The following UMAD1 variants were observed in gnomAD, a reference collection of about 807,000 sequenced individuals.
UMAD1 encodes UBAP1-MVB12-associated (UMA) domain containing 1, also known as UBAP1-MVB12-associated (UMA)-domain containing protein 1.
Under a neutral mutation model 6.1 loss-of-function variants are expected in UMAD1, and 8 were observed. That is an observed-to-expected ratio of 1.30 (90% CI 0.76 to 2.35). UMAD1 has a LOEUF of 2.35. Among genes scored for constraint, UMAD1 ranks in the 30% most tolerant of loss-of-function variants. The pLI is 0.00. For synonymous variants in UMAD1, 56 were observed against 31.4 expected (o/e 1.78, Z -2.61); for missense variants, 130 against 78.4 (o/e 1.66, Z -2.49).
At position 7,744,201 on chromosome 7, in the gene UMAD1, G is replaced by C. The variant is rs138344342; in HGVS notation, c.83-57469G>C. On this transcript the variant is annotated intron_variant, in intron 2 of 3. Coordinates refer to ENST00000682710, the MANE Select transcript of UMAD1 (RefSeq NM_001302348.2). The stretch of plus-strand genomic sequence containing the variant: ...TAAAATAGGTAGGTTTTTGTGACTG[G>C]CTTCTTTTTTGTTTTCAAGACCTCT... Among the ~76,000 whole-genome samples, 854 of 152,106 alleles carry C rather than the reference G, an allele frequency of 5.6e-3. 13 individuals carry two copies. Among genetic ancestry groups the C allele is most frequent in the African/African-American group, 0.02 (813 of 41,486 alleles).
intron 3 of UMAD1, among the ~76,000 whole-genome samples, chr7:7,804,540 C>G (rs1782868644): frequency 1.3e-5 from 2 of 152,150 alleles, no homozygotes; most frequent in African/African-American, 4.8e-5. Flanking sequence ...GGGCTTGGCG[C>G]CGTGCGCCTG....
At chr7:7,730,943 TA>T (rs1187361540) in intron 2 of UMAD1, among the ~76,000 whole-genome samples, 2 of 152,216 alleles carry the variant, frequency 1.3e-5, no homozygotes, top group South Asian at 4.1e-4. Context: ...CTTTGAGTTT[TA>T]AATGTGTTGA....
At chr7:7,709,034 CCTAA>C (rs977732755) in intron 2 of UMAD1, among the ~76,000 whole-genome samples, 3 of 151,764 alleles carry the variant, frequency 2.0e-5, no homozygotes, top group African/African-American at 7.3e-5. Context: ...GGAAAACAGT[CCTAA>C]CTATTAAAAA....
chr7:7,764,466 A>T (rs146931821), intron 2 of UMAD1, among the ~76,000 whole-genome samples: 1 of 152,206 alleles, frequency 6.6e-6, no homozygotes, highest in Admixed American at 6.5e-5. Context: ...TTGGAAGACA[A>T]ATTTGTTTAG....
intron 2 of UMAD1, among the ~76,000 whole-genome samples, chr7:7,789,619 T>TCCCC (rs200939941): frequency 2.7e-5 from 4 of 146,064 alleles, no homozygotes; most frequent in African/African-American, 7.9e-5. Flanking sequence ...ATACCCCTTC[T>TCCCC]CCCCTCCCCA....
chr7:7,809,344 A>G (rs1184111068), intron 3 of UMAD1, among the ~76,000 whole-genome samples: 4 of 152,026 alleles, frequency 2.6e-5, no homozygotes, highest in Non-Finnish European at 2.9e-5. Flanking sequence ...ATGAAGCTGC[A>G]TTATAGAATT....
intron 2 of UMAD1, among the ~76,000 whole-genome samples, chr7:7,748,157 G>C (rs1438973263): frequency 1.3e-5 from 2 of 150,034 alleles, no homozygotes; most frequent in African/African-American, 2.5e-5. Context: ...TGTTGGCCAG[G>C]ATGGTCTTGA....
chr7:7,817,755 C>T (rs1207057824), intron 3 of UMAD1, among the ~76,000 whole-genome samples: 1 of 152,138 alleles, frequency 6.6e-6, no homozygotes, highest in South Asian at 2.1e-4. Flanking sequence ...GCATCCGTTC[C>T]TGACTAAAGA....
chr7:7,648,284 A>G (rs1785143991), intron 1 of UMAD1, among the ~76,000 whole-genome samples: 1 of 151,736 alleles, frequency 6.6e-6, no homozygotes, highest in Admixed American at 6.6e-5. Flanking sequence ...TTCTCTGCTT[A>G]AGTTTTCTCC....
intron 1 of UMAD1, among the ~76,000 whole-genome samples, chr7:7,656,486 G>A (rs1007876674): frequency 6.6e-6 from 1 of 151,968 alleles, no homozygotes; most frequent in Non-Finnish European, 1.5e-5. Context: ...CCCATGACAG[G>A]CCCCAGTGTG....
chr7:7,829,302 T>G (rs1783414640), intron 3 of UMAD1, among the ~76,000 whole-genome samples: 1 of 151,956 alleles, frequency 6.6e-6, no homozygotes. Context: ...AGTCCAGTGC[T>G]AAGAGCAATA....
At chr7:7,833,105 T>G (rs1011386153) in intron 3 of UMAD1, among the ~76,000 whole-genome samples, 16 of 152,162 alleles carry the variant, frequency 1.1e-4, no homozygotes, top group African/African-American at 3.4e-4. Context: ...TGGAGGGCCC[T>G]GAAAGTTTGG....
intron 3 of UMAD1, among the ~76,000 whole-genome samples, chr7:7,814,480 C>T (rs192837424): frequency 6.6e-6 from 1 of 152,154 alleles, no homozygotes; most frequent in African/African-American, 2.4e-5. Flanking sequence ...CTTTATTTTC[C>T]TCTCACCTGA....
chr7:7,780,055 C>T lies in UMAD1; in HGVS notation c.83-21615C>T, dbSNP rs576226737. Among the ~76,000 whole-genome samples, 36 of 152,362 alleles carry T rather than the reference C, an allele frequency of 2.4e-4. 1 individual carries two copies. The highest frequency in any genetic ancestry group is 7.7e-4 in the African/African-American group (32 of 41,578). On this transcript the variant is annotated intron_variant, in intron 2 of 3. Transcript: ENST00000682710. ...TTCTGAGTTTGCTTATTTGTTTATA[C>T]ACTGACTGGCCTGCCAAGGGGCATT...
chr7:7,651,421 C>T (rs1785221176), intron 1 of UMAD1, among the ~76,000 whole-genome samples: 1 of 152,126 alleles, frequency 6.6e-6, no homozygotes, highest in Admixed American at 6.5e-5. Flanking sequence ...AATGCCTGTT[C>T]CCATTTAGGG....
At chr7:7,644,035 T>C (rs2115543586) in intron 1 of UMAD1, among the ~76,000 whole-genome samples, 1 of 152,278 alleles carries the variant, frequency 6.6e-6, no homozygotes, top group Middle Eastern at 3.4e-3. Flanking sequence ...TTTCCCCAAA[T>C]GGTGGTACCA....
intron 2 of UMAD1, among the ~76,000 whole-genome samples, chr7:7,788,757 C>G (rs571803188): frequency 7.4e-4 from 112 of 152,276 alleles, no homozygotes; most frequent in African/African-American, 2.6e-3. Flanking sequence ...TATCAAACCT[C>G]TCCCCACCAA....
intron 3 of UMAD1, among the ~76,000 whole-genome samples, chr7:7,864,336 T>A (rs1444753354): frequency 6.6e-6 from 1 of 152,104 alleles, no homozygotes; most frequent in African/African-American, 2.4e-5. Flanking sequence ...TTTAGAAATA[T>A]TAATAAAGAC....
At chr7:7,858,187 A>C (rs1436522033) in intron 3 of UMAD1, among the ~76,000 whole-genome samples, 1 of 152,228 alleles carries the variant, frequency 6.6e-6, no homozygotes, top group African/African-American at 2.4e-5. Context: ...TAACGGTGGT[A>C]GTAGAAATAG....
Sources: gnomAD v4.1 joint callset for allele counts (sites outside exome capture counted in the v4.1 genomes callset) on GRCh38, gnomAD v4.1.1 for gene constraint, MANE v1.5 for transcripts, NCBI Gene and HGNC (gene_info 2026-07-23, HGNC 2026-07-21) for gene names.